LRRTM4: variants seen among roughly 807,000 people sequenced by gnomAD.
LRRTM4 encodes the protein leucine-rich repeat transmembrane neuronal protein 4.
In LRRTM4, 25 loss-of-function variants were observed where a neutral mutation model predicts 47.6. The ratio of observed to expected loss-of-function variants is 0.53; its 90% CI spans 0.38 to 0.73. The LOEUF (loss-of-function observed/expected upper bound fraction) is 0.73, where lower values mean the gene tolerates loss of function less well. Among genes scored for constraint, LRRTM4 ranks in the 30% least tolerant of loss-of-function variants. The probability of loss-of-function intolerance (pLI) is 0.00; values close to 1 mark genes in which losing one functional copy is unlikely to be tolerated. For synonymous variants in LRRTM4, 311 were observed against 269.5 expected, an observed-to-expected ratio of 1.15 and a Z score of -1.51; for missense variants, 638 against 713.4, an observed-to-expected ratio of 0.89 and a Z score of 1.20.
At chr2:77,077,855 A>G (rs901633679) in intron 3 of LRRTM4, among the ~76,000 whole-genome samples, 1 of 152,246 alleles carries the variant, frequency 6.6e-6, no homozygotes, top group Non-Finnish European at 1.5e-5. Context: ...AATAAGCTAT[A>G]TAGAACACAT....
chr2:77,086,799 T>C (rs985514372), intron 3 of LRRTM4, among the ~76,000 whole-genome samples: 4 of 152,102 alleles, frequency 2.6e-5, no homozygotes, highest in African/African-American at 7.2e-5. Context: ...CCGGCCTATA[T>C]GTAATAATTT....
chr2:76,802,063 A>C (rs1053380576), intron 3 of LRRTM4, among the ~76,000 whole-genome samples: 3 of 152,188 alleles, frequency 2.0e-5, no homozygotes, highest in Non-Finnish European at 4.4e-5. Flanking sequence ...ACCAGGAACA[A>C]GACAAGGATG....
intron 3 of LRRTM4, among the ~76,000 whole-genome samples, chr2:76,953,214 A>C (rs1218451976): frequency 1.3e-5 from 2 of 151,900 alleles, no homozygotes; most frequent in African/African-American, 2.4e-5. Flanking sequence ...ACTTCAAACA[A>C]GAAGAGTTTA....
intron 3 of LRRTM4, among the ~76,000 whole-genome samples, chr2:77,034,625 C>T (rs1678774042): frequency 1.3e-5 from 2 of 151,948 alleles, no homozygotes; most frequent in South Asian, 2.1e-4. Context: ...ATTCCTTTGT[C>T]TCCTGTATTT....
chr2:77,425,090 G>T (rs942630038), intron 3 of LRRTM4, among the ~76,000 whole-genome samples: 1 of 152,190 alleles, frequency 6.6e-6, no homozygotes, highest in Non-Finnish European at 1.5e-5. Context: ...CACTCACAGA[G>T]TGAGGAATTT....
chr2:77,104,673 C>A (rs1389218141), intron 3 of LRRTM4, among the ~76,000 whole-genome samples: 1 of 152,192 alleles, frequency 6.6e-6, no homozygotes, highest in African/African-American at 2.4e-5. Context: ...GAAACCTCCT[C>A]AAACAGTTAA....
intron 3 of LRRTM4, among the ~76,000 whole-genome samples, chr2:77,454,339 C>T (rs556705970): frequency 6.6e-6 from 1 of 152,276 alleles, no homozygotes; most frequent in South Asian, 2.1e-4. Context: ...TTTTTTAGTA[C>T]TTTTACCCAA....
chr2:77,506,693 T>C (rs1257027518), intron 3 of LRRTM4, among the ~76,000 whole-genome samples: 1 of 151,924 alleles, frequency 6.6e-6, no homozygotes, highest in Non-Finnish European at 1.5e-5. Flanking sequence ...ATGTGTTAAG[T>C]AGATTACATT....
intron 3 of LRRTM4, among the ~76,000 whole-genome samples, chr2:76,918,449 C>T (rs1413944491): frequency 6.6e-6 from 1 of 152,114 alleles, no homozygotes; most frequent in Non-Finnish European, 1.5e-5. Flanking sequence ...TGCAGAATTT[C>T]ACCATTAAGA....
At position 77,518,472 on chromosome 2, in the gene LRRTM4, C is replaced by T. The variant is rs373925306; in HGVS notation, c.1397G>A (p.Arg466Gln). 1.2e-5 allele frequency: 19 copies of T among 1,613,210 alleles called. No homozygotes were observed. Among genetic ancestry groups the T allele is most frequent in the African/African-American group, 6.7e-5 (5 of 74,844 alleles). The stretch of plus-strand genomic sequence containing the variant: ...TTCAGACTCTCTGGCCTTTTTCCGC[C>T]GCCTCTTCATAAGAGAGTGTTGCTG... Reference protein sequence around the residue: ...QLQQHSLMKRRRKKARESERQ... With the variant: ...QLQQHSLMKRQRKKARESERQ... The change falls in exon 3 of 4, where the codon CGG becomes CAG. Residue 466 changes from arginine to glutamine, a missense_variant. By Grantham distance (43) the Arg-to-Gln change is conservative. Coordinates refer to ENST00000409884, the MANE Select transcript of LRRTM4 (RefSeq NM_001134745.3).
intron 3 of LRRTM4, among the ~76,000 whole-genome samples, chr2:77,068,439 A>T (rs771035188): frequency 1.3e-5 from 2 of 152,152 alleles, no homozygotes; most frequent in African/African-American, 4.8e-5. Context: ...GAAACCTAGA[A>T]ACTGCTAGCA....
chr2:77,083,560 G>C (rs1166220713), intron 3 of LRRTM4, among the ~76,000 whole-genome samples: 1 of 151,992 alleles, frequency 6.6e-6, no homozygotes, highest in African/African-American at 2.4e-5. Context: ...ATATTAGACA[G>C]TCAGATACTG....
intron 3 of LRRTM4, among the ~76,000 whole-genome samples, chr2:77,005,594 T>C (rs4853288): frequency 0.42 from 63,242 of 152,020 alleles, 13,279 homozygotes; most frequent in East Asian, 0.52. Flanking sequence ...AATTGAATCA[T>C]GGGAGCAGAT....
intron 3 of LRRTM4, among the ~76,000 whole-genome samples, chr2:77,503,828 G>C (rs10198058): frequency 0.088 from 13,318 of 151,682 alleles, 907 homozygotes; most frequent in Admixed American, 0.17. Context: ...AAGGCCGACT[G>C]TTAACAATTA....
intron 3 of LRRTM4, among the ~76,000 whole-genome samples, chr2:77,028,929 G>T (rs1393011635): frequency 2.0e-5 from 3 of 151,054 alleles, no homozygotes; most frequent in Non-Finnish European, 4.4e-5. Context: ...CAGCTACTCG[G>T]GAGGCTGAGG....
chr2:76,855,180 A>G (rs1190482274), intron 3 of LRRTM4, among the ~76,000 whole-genome samples: 2 of 152,200 alleles, frequency 1.3e-5, no homozygotes, highest in African/African-American at 4.8e-5. Flanking sequence ...CAACGTTAGC[A>G]AGAAAAAGGA....
rs1017648557 is a variant in LRRTM4 at position 76,924,726 on chromosome 2, C to G, written c.1552-175810G>C. Among the ~76,000 whole-genome samples, 5 of 151,962 alleles carry G rather than the reference C, an allele frequency of 3.3e-5. No individual in the cohort carries two copies. In the South Asian group the frequency reaches 8.3e-4, roughly 25 times the overall value. ...CTAGCTGAATGCAGAAAATTGCACC[C>G]AGCTGAACTGAGCCACCACATAGGA... On this transcript the variant is annotated intron_variant, in intron 3 of 3. Coordinates refer to ENST00000409884, the MANE Select transcript of LRRTM4 (RefSeq NM_001134745.3).
At chr2:76,933,212 T>G (rs375634954) in intron 3 of LRRTM4, among the ~76,000 whole-genome samples, 1 of 152,104 alleles carries the variant, frequency 6.6e-6, no homozygotes, top group African/African-American at 2.4e-5. Flanking sequence ...AAAAAATAAA[T>G]GAGTAATCAA....
chr2:77,445,554 G>A (rs1368993739), intron 3 of LRRTM4, among the ~76,000 whole-genome samples: 1 of 151,864 alleles, frequency 6.6e-6, no homozygotes, highest in Non-Finnish European at 1.5e-5. Flanking sequence ...TAACATGGGG[G>A]TGAAAGTGTA....
Sources: allele counts gnomAD v4.1 joint callset (sites outside exome capture counted in the v4.1 genomes callset), GRCh38; gene constraint gnomAD v4.1.1; transcripts MANE v1.5; gene names NCBI Gene and HGNC (gene_info 2026-07-23, HGNC 2026-07-21).